The following SCIN variants were observed in gnomAD, a reference collection of about 807,000 sequenced individuals.
The protein encoded by SCIN is scinderin.
A neutral mutation model predicts 91.8 loss-of-function variants in SCIN; 91 were observed. The ratio of observed to expected loss-of-function variants is 0.99; its 90% CI spans 0.84 to 1.18. SCIN has a LOEUF of 1.18. Among genes scored for constraint, SCIN ranks in the 50% most tolerant of loss-of-function variants. The probability of loss-of-function intolerance (pLI) is 0.00; values close to 1 mark genes in which losing one functional copy is unlikely to be tolerated. For synonymous variants in SCIN, 367 were observed against 312.6 expected (o/e 1.17, Z -1.84); for missense variants, 1,087 against 863.9 (o/e 1.26, Z -3.24).
chr7:12,576,622 G>A lies in SCIN; in HGVS notation c.200-1442G>A, dbSNP rs568074866. ...CACTATAAAATTGTACCGCTAATGA[G>A]AGCCTGAGTACAAAAAAATACCCAC... On this transcript the variant is annotated intron_variant, in intron 1 of 15. Coordinates refer to ENST00000297029, the MANE Select transcript of SCIN (RefSeq NM_001112706.3). 1.2e-4 allele frequency among the ~76,000 whole-genome samples: 19 copies of A among 152,214 alleles called. No individual in the cohort carries two copies. The South Asian group carries it at 2.5e-3, about 20-fold the overall frequency.
chr7:12,607,755 CTTTTGGAAATGTAG>C (rs1247411068), intron 4 of SCIN, among the ~76,000 whole-genome samples: 1 of 152,144 alleles, frequency 6.6e-6, no homozygotes, highest in Non-Finnish European at 1.5e-5. Flanking sequence ...GGTCTTTTCG[CTTTTGGAAATGTAG>C]TTTTGTAGCC....
At chr7:12,571,126 G>T in intron 1 of SCIN, 141 bp downstream of exon 1, 1 of 946,580 alleles carries the variant, frequency 1.1e-6, no homozygotes, top group Non-Finnish European at 1.5e-6. Flanking sequence ...CTGCCCTTTG[G>T]GGCCGGCCAC....
chr7:12,571,268 T>C, intron 1 of SCIN: 1 of 469,828 alleles, frequency 2.1e-6, no homozygotes, highest in Non-Finnish European at 3.8e-6. Flanking sequence ...ACTGGCTTCT[T>C]CCCCTTTCAC....
intron 10 of SCIN, 36 bp downstream of exon 10, chr7:12,636,171 TAA>T: frequency 2.0e-6 from 3 of 1,522,108 alleles, no homozygotes; most frequent in Non-Finnish European, 2.7e-6. Context: ...TCACACAAGT[TAA>T]AGTCTTGCTA....
At chr7:12,598,262 T>C (rs569250900) in intron 3 of SCIN, among the ~76,000 whole-genome samples, 1 of 152,316 alleles carries the variant, frequency 6.6e-6, no homozygotes, top group South Asian at 2.1e-4. Context: ...TTAAGCCTAC[T>C]CCCTGGTGGA....
chr7:12,642,863 C>T (rs1210455299), intron 11 of SCIN, among the ~76,000 whole-genome samples: 1 of 152,054 alleles, frequency 6.6e-6, no homozygotes, highest in African/African-American at 2.4e-5. Flanking sequence ...CTTGAGCGCT[C>T]CAAGTCTCGG....
intron 3 of SCIN, among the ~76,000 whole-genome samples, chr7:12,602,576 C>T (rs6460969): frequency 8.5e-5 from 13 of 152,154 alleles, no homozygotes; most frequent in African/African-American, 3.1e-4. Flanking sequence ...CCAGAGCGGC[C>T]GTTTATAGAT....
At chr7:12,611,351 G>A (rs566797143) in intron 4 of SCIN, among the ~76,000 whole-genome samples, 13 of 152,138 alleles carry the variant, frequency 8.5e-5, no homozygotes, top group Non-Finnish European at 1.6e-4. Context: ...ATACATTTTG[G>A]AATACAAAGT....
chr7:12,651,963 C>A lies in SCIN; in HGVS notation c.2020+62C>A. On this transcript the variant is annotated intron_variant, in intron 15 of 15. Transcript: ENST00000297029. The surrounding 1 kb of genome is among the most constrained non-coding windows in gnomAD (Gnocchi z 5.9). ...GGCACCATTATGACCGAGTGTCTGG[C>A]TTGCTCTTTGCCACCATGTCTTACA... The A allele has an allele frequency of 2.6e-6, 3 of 1,150,066 alleles. No homozygotes were observed. The highest frequency in any genetic ancestry group is 3.8e-6 in the Non-Finnish European group (3 of 791,120). The allele number at this position is 1,150,066 out of a possible 1,614,324, so 71.2% of individuals were successfully genotyped here. A position where few individuals can be genotyped will look rare whatever the true frequency, so the allele number is the denominator to read the frequency against.
At chr7:12,572,455 C>G (rs1274896269) in intron 1 of SCIN, among the ~76,000 whole-genome samples, 1 of 152,194 alleles carries the variant, frequency 6.6e-6, no homozygotes, top group Non-Finnish European at 1.5e-5. Flanking sequence ...CCATGCAGAA[C>G]TTAAATCTAG....
intron 9 of SCIN, among the ~76,000 whole-genome samples, chr7:12,635,016 G>A (rs2056619): frequency 0.25 from 37,683 of 151,324 alleles, 5,947 homozygotes; most frequent in African/African-American, 0.41. Context: ...GTGAAACCCC[G>A]TCTCTACTAA....
intron 7 of SCIN, 89 bp downstream of exon 7, chr7:12,625,939 A>C: frequency 1.2e-6 from 1 of 838,296 alleles, no homozygotes; most frequent in Non-Finnish European, 1.9e-6. Context: ...GTTTGGGTCA[A>C]AGTAACGTCT....
Position 12,646,098 on chromosome 7 carries a change from A to G in SCIN, c.1881+1393A>G, listed in dbSNP as rs145097993. 2.6e-5 allele frequency among the ~76,000 whole-genome samples: 4 copies of G among 152,354 alleles called. No individual in the cohort carries two copies. In the East Asian group the frequency reaches 5.8e-4, roughly 22 times the overall value. Reference sequence around the variant, plus strand: ...ACAGAAAGCTATATATGCAGTTACAAATTAACTGATATCAACAGGAATGTT... The same window carrying G: ...ACAGAAAGCTATATATGCAGTTACAGATTAACTGATATCAACAGGAATGTT... On this transcript the variant is annotated intron_variant, in intron 13 of 15. Transcript: ENST00000297029.
chr7:12,580,599 A>G (rs1206511244), intron 2 of SCIN, among the ~76,000 whole-genome samples: 1 of 152,084 alleles, frequency 6.6e-6, no homozygotes, highest in East Asian at 1.9e-4. Flanking sequence ...CTCTGTCCCA[A>G]CCCTGTACCA....
In SCIN at chr7:12,570,885, C is replaced by T; in HGVS notation, c.99C>T (p.Pro33=). 1 of 1,551,570 alleles carries T rather than the reference C, an allele frequency of 6.4e-7. No individual in the cohort carries two copies. Among genetic ancestry groups the T allele is most frequent in the Non-Finnish European group, 8.7e-7 (1 of 1,146,962 alleles). Residue 33 remains proline, a synonymous_variant, in exon 1 of 16, where the codon CCC becomes CCT. Coordinates refer to ENST00000297029, the MANE Select transcript of SCIN (RefSeq NM_001112706.3). ...RIEKLELVPV[P]QSAHGDFYVG... is the part of the protein sequence containing the mutation. ...AGAAGCTGGAGCTGGTGCCCGTGCC[C>T]CAGAGCGCTCACGGCGACTTCTACG...
intron 1 of SCIN, among the ~76,000 whole-genome samples, chr7:12,576,504 G>C (rs17283514): frequency 0.56 from 84,634 of 151,856 alleles, 24,184 homozygotes; most frequent in African/African-American, 0.68. Context: ...GGTGAATACT[G>C]TCAGTTAGGG....
At chr7:12,637,984 C>G (rs1386114285) in intron 10 of SCIN, among the ~76,000 whole-genome samples, 1 of 152,166 alleles carries the variant, frequency 6.6e-6, no homozygotes, top group Non-Finnish European at 1.5e-5. Context: ...CTCACTGTGT[C>G]TAAGAGACTG....
At chr7:12,627,870 G>A (rs949486185) in intron 8 of SCIN, among the ~76,000 whole-genome samples, 1 of 152,070 alleles carries the variant, frequency 6.6e-6, no homozygotes, top group Non-Finnish European at 1.5e-5. Flanking sequence ...GCTCTCTCTC[G>A]GATCTTGTGC....
intron 3 of SCIN, among the ~76,000 whole-genome samples, chr7:12,596,890 C>T (rs1782854474): frequency 6.6e-6 from 1 of 152,144 alleles, no homozygotes; most frequent in Non-Finnish European, 1.5e-5. Context: ...GCATTATTGA[C>T]CAATCCTATA....
Sources: gnomAD v4.1 joint callset for allele counts (sites outside exome capture counted in the v4.1 genomes callset) on GRCh38, gnomAD v4.1.1 for gene constraint, Gnocchi (gnomAD v3.1) non-coding constraint, MANE v1.5 for transcripts, NCBI Gene and HGNC (gene_info 2026-07-23, HGNC 2026-07-21) for gene names.